LRP1B: variants seen among roughly 807,000 people sequenced by gnomAD.
LRP1B encodes low-density lipoprotein receptor-related protein 1B.
Under a neutral mutation model 556.6 loss-of-function variants are expected in LRP1B, and 217 were observed. The observed-to-expected ratio is 0.39, with a 90% CI of 0.35 to 0.44. LRP1B has a LOEUF of 0.44. Ranked by LOEUF, LRP1B falls within the 20% of genes least tolerant of loss-of-function variation. LRP1B has a pLI of 1.00. For synonymous variants in LRP1B, 2,047 were observed against 1,865.8 expected, an observed-to-expected ratio of 1.10 and a Z score of -2.50; for missense variants, 5,053 against 5,620.8, an observed-to-expected ratio of 0.90 and a Z score of 3.23.
At chr2:141,950,134 T>C (rs977143522) in intron 1 of LRP1B, among the ~76,000 whole-genome samples, 1 of 152,214 alleles carries the variant, frequency 6.6e-6, no homozygotes, top group African/African-American at 2.4e-5. Context: ...TAAAAGACTT[T>C]ATAATATTTG....
chr2:140,872,222 G>A (rs1158009067), intron 25 of LRP1B, among the ~76,000 whole-genome samples: 1 of 151,592 alleles, frequency 6.6e-6, no homozygotes, highest in African/African-American at 2.4e-5. Flanking sequence ...ATAGTCTGGA[G>A]TTCCTCAAAG....
At chr2:140,480,865 C>T (rs371676387) in intron 59 of LRP1B, among the ~76,000 whole-genome samples, 65 of 152,196 alleles carry the variant, frequency 4.3e-4, no homozygotes, top group African/African-American at 1.5e-3. Flanking sequence ...ATCATCTGTA[C>T]TAATTTTACC....
At chr2:141,775,589 T>C (rs16847133) in intron 2 of LRP1B, among the ~76,000 whole-genome samples, 32,100 of 152,110 alleles carry the variant, frequency 0.21, 3,704 homozygotes, top group African/African-American at 0.32. Flanking sequence ...GATTGAAATA[T>C]AGGTGCACTT....
chr2:140,488,566 T>C (rs1688571034), intron 57 of LRP1B, among the ~76,000 whole-genome samples: 1 of 152,040 alleles, frequency 6.6e-6, no homozygotes. Flanking sequence ...AGGAATCTTT[T>C]AGCTGCAGAA....
chr2:140,711,513 A>C (rs1337674811), intron 37 of LRP1B, among the ~76,000 whole-genome samples: 1 of 152,016 alleles, frequency 6.6e-6, no homozygotes, highest in Non-Finnish European at 1.5e-5. Context: ...TATAACTGCC[A>C]ACTTTGATCT....
chr2:140,938,752 G>A (rs533635768), intron 20 of LRP1B, among the ~76,000 whole-genome samples: 1 of 151,994 alleles, frequency 6.6e-6, no homozygotes, highest in African/African-American at 2.4e-5. Flanking sequence ...CAATTAGTGG[G>A]TCACTAACAT....
intron 1 of LRP1B, among the ~76,000 whole-genome samples, chr2:141,958,004 G>C (rs1701305091): frequency 6.6e-6 from 1 of 152,026 alleles, no homozygotes; most frequent in Non-Finnish European, 1.5e-5. Flanking sequence ...TTCTCTGTGA[G>C]TGTTGTAATC....
chr2:142,094,589 G>A (rs1167390130), intron 1 of LRP1B, among the ~76,000 whole-genome samples: 1 of 151,864 alleles, frequency 6.6e-6, no homozygotes, highest in Non-Finnish European at 1.5e-5. Context: ...AATATTATTA[G>A]TTAAATGCTG....
chr2:141,575,096 GA>G (rs926946017), intron 2 of LRP1B, among the ~76,000 whole-genome samples: 20 of 147,288 alleles, frequency 1.4e-4, no homozygotes, highest in East Asian at 4.0e-4. Context: ...ACAGAATTTG[GA>G]AAAAAAAAAC....
intron 29 of LRP1B, among the ~76,000 whole-genome samples, chr2:140,848,953 G>A (rs1015688289): frequency 4.6e-5 from 7 of 152,002 alleles, no homozygotes; most frequent in African/African-American, 1.7e-4. Flanking sequence ...CATTCTCTTA[G>A]AACCTATAAT....
chr2:140,670,656 T>C (rs560314826), intron 41 of LRP1B, among the ~76,000 whole-genome samples: 4 of 143,468 alleles, frequency 2.8e-5, no homozygotes, highest in African/African-American at 1.0e-4. Context: ...AATGTTATAG[T>C]TAATCTTTTA....
chr2:141,030,725 T>A (rs1339052171), intron 11 of LRP1B, among the ~76,000 whole-genome samples: 2 of 152,074 alleles, frequency 1.3e-5, no homozygotes, highest in Non-Finnish European at 2.9e-5. Context: ...TTTCTTCAAG[T>A]TATCTAAATA....
At chr2:141,682,162 A>T (rs1317178686) in intron 2 of LRP1B, among the ~76,000 whole-genome samples, 1 of 152,098 alleles carries the variant, frequency 6.6e-6, no homozygotes, top group African/African-American at 2.4e-5. Flanking sequence ...GGATATAGAA[A>T]ATGGAGATGG....
At chr2:140,847,875 T>C (rs1221424997) in intron 29 of LRP1B, among the ~76,000 whole-genome samples, 1 of 152,124 alleles carries the variant, frequency 6.6e-6, no homozygotes, top group Non-Finnish European at 1.5e-5. Context: ...TGAGAAAACA[T>C]TTTTGCTCAA....
At chr2:141,051,671 T>C (rs930522019) in intron 10 of LRP1B, among the ~76,000 whole-genome samples, 2 of 152,112 alleles carry the variant, frequency 1.3e-5, no homozygotes, top group Admixed American at 6.6e-5. Flanking sequence ...AGCCGATATC[T>C]TGATTGTTGT....
chr2:141,787,701 A>G (rs868535608), intron 2 of LRP1B, among the ~76,000 whole-genome samples: 2 of 151,904 alleles, frequency 1.3e-5, no homozygotes, highest in South Asian at 2.1e-4. Context: ...CTTTATACTA[A>G]AAGTTTTTTT....
At chr2:141,010,733 C>T (rs1456287967) in intron 14 of LRP1B, among the ~76,000 whole-genome samples, 1 of 151,928 alleles carries the variant, frequency 6.6e-6, no homozygotes, top group African/African-American at 2.4e-5. Flanking sequence ...CCAGGCTGGT[C>T]TCGAACTCCT....
intron 1 of LRP1B, among the ~76,000 whole-genome samples, chr2:142,106,052 T>C (rs1246100927): frequency 6.6e-6 from 1 of 152,196 alleles, no homozygotes; most frequent in East Asian, 1.9e-4. Flanking sequence ...TCAAGCCCTA[T>C]GTCTACCACA....
chr2:141,671,220 T>C (rs184244861), intron 2 of LRP1B, among the ~76,000 whole-genome samples: 1 of 152,330 alleles, frequency 6.6e-6, no homozygotes, highest in East Asian at 1.9e-4. Flanking sequence ...TAACTGCTGA[T>C]TCCAGAGCAA....
Sources: allele counts gnomAD v4.1 joint callset (sites outside exome capture counted in the v4.1 genomes callset), GRCh38; gene constraint gnomAD v4.1.1; transcripts MANE v1.5; gene names NCBI Gene and HGNC (gene_info 2026-07-23, HGNC 2026-07-21).